PRXL2C: variants seen among roughly 807,000 people sequenced by gnomAD.
PRXL2C encodes peroxiredoxin like 2C.
Under a neutral mutation model 24.9 loss-of-function variants are expected in PRXL2C, and 38 were observed. That is an observed-to-expected ratio of 1.53 (90% CI 1.18 to 2.00). The LOEUF is 2.00. Ranked by LOEUF, PRXL2C falls within the 30% of genes most tolerant of loss-of-function variation. PRXL2C has a pLI of 0.00. For synonymous variants in PRXL2C, 98 were observed against 117.2 expected (o/e 0.84, Z 1.06); for missense variants, 294 against 290.9 (o/e 1.01, Z -0.08).
At position 96,655,271 on chromosome 9, in the gene PRXL2C, G is replaced by A. The variant is rs12115274; in HGVS notation, c.11C>T (p.Pro4Leu). The A allele has an allele frequency of 0.011, 11,625 of 1,075,968 alleles. 973 individuals are homozygous for A. In the African/African-American group the frequency reaches 0.18, roughly 16 times the overall value. 66.7% of individuals were successfully genotyped at this position (1,075,968 alleles called of 1,614,324 possible). MAA[P>L]APVTRQVSGA... ...GCTAACCTGCCGCGTGACCGGGGCCGGCGCGGCCATGACGCGGGGCGGCCG... is the reference window on the plus strand; with the variant it reads ...GCTAACCTGCCGCGTGACCGGGGCCAGCGCGGCCATGACGCGGGGCGGCCG... Residue 4 changes from proline to leucine, a missense_variant, in exon 1 of 6, where the codon CCG becomes CTG. Physicochemically the swap from Pro to Leu is moderately conservative, Grantham distance 98 (BLOSUM62 -3). Coordinates refer to ENST00000375234, the MANE Select transcript of PRXL2C (RefSeq NM_153698.2).
At chr9:96,646,728 G>A (rs1023317757) in intron 4 of PRXL2C, among the ~76,000 whole-genome samples, 1 of 152,150 alleles carries the variant, frequency 6.6e-6, no homozygotes, top group African/African-American at 2.4e-5. Flanking sequence ...AAGATGGAGG[G>A]TGCCTGGATC....
rs145599965 is a variant in PRXL2C at position 96,654,625 on chromosome 9, C to T, written c.261+80G>A. On this transcript the variant is annotated intron_variant, in intron 2 of 5. Coordinates refer to ENST00000375234, the MANE Select transcript of PRXL2C (RefSeq NM_153698.2). ...GGGGCAATCCAGGCTGCAAGTTCCG[C>T]GCTGGAGCCGCGTCCTCCCCCGCCC... 502 of 1,359,782 alleles carry T rather than the reference C, an allele frequency of 3.7e-4. 1 individual carries two copies. The highest frequency in any genetic ancestry group is 4.1e-4 in the Admixed American group (20 of 49,326). The allele number at this position is 1,359,782 out of a possible 1,614,324, so 84.2% of individuals were successfully genotyped here.
chr9:96,644,931 C>A (rs1196048740), intron 5 of PRXL2C, among the ~76,000 whole-genome samples: 3 of 107,278 alleles, frequency 2.8e-5, no homozygotes, highest in Non-Finnish European at 5.4e-5. Flanking sequence ...CAGAGTCTCA[C>A]TCTCTCACCC....
rs1367885689 is a variant in PRXL2C at position 96,641,022 on chromosome 9, T to G, written c.*737A>C. On this transcript the variant is annotated 3_prime_UTR_variant, in exon 6 of 6. Transcript: ENST00000375234. ...CTGTGGACACTGGCTATATGTGAAA[T>G]GTTCGGATTGCCACACTTCCTCTGA... The G allele has an allele frequency of 6.6e-6, 1 of 152,038 alleles. No homozygotes were observed. Among genetic ancestry groups the G allele is most frequent in the Non-Finnish European group, 1.5e-5 (1 of 68,030 alleles). The allele number at this position is 152,038 out of a possible 1,614,324, so 9.4% of individuals were successfully genotyped here. A position where few individuals can be genotyped will look rare whatever the true frequency, so the allele number is the denominator to read the frequency against.
At chr9:96,651,810 C>A (rs1848270641) in intron 2 of PRXL2C, 98 bp from the exon 3 acceptor site, 1 of 1,011,500 alleles carries the variant, frequency 9.9e-7, no homozygotes, top group South Asian at 1.6e-5. Flanking sequence ...TCTAATGCCA[C>A]CTATAGGCTT....
At chr9:96,651,256 C>T in intron 4 of PRXL2C, 134 bp downstream of exon 4, 2 of 650,906 alleles carry the variant, frequency 3.1e-6, no homozygotes, top group Non-Finnish European at 2.6e-6. Flanking sequence ...CCTGCCCCAG[C>T]AACAGAGTGA....
At chr9:96,645,171 A>G (rs1036226195) in intron 5 of PRXL2C, among the ~76,000 whole-genome samples, 2 of 151,356 alleles carry the variant, frequency 1.3e-5, no homozygotes, top group Non-Finnish European at 2.9e-5. Context: ...GGCCTCCCAA[A>G]GTGCTGGGAT....
chr9:96,641,972 TTTAA>T, intron 5 of PRXL2C, 86 bp from the exon 6 acceptor site: 2 of 1,211,450 alleles, frequency 1.7e-6, no homozygotes, highest in Non-Finnish European at 2.2e-6. Flanking sequence ...CTTTTCAACC[TTTAA>T]TTAGTCCAAA....
chr9:96,651,108 C>T (rs959131547), intron 4 of PRXL2C, among the ~76,000 whole-genome samples: 9 of 151,946 alleles, frequency 5.9e-5, no homozygotes, highest in African/African-American at 2.2e-4. Context: ...GAAACCCTGT[C>T]TCTACTAAAA....
intron 4 of PRXL2C, among the ~76,000 whole-genome samples, chr9:96,648,589 T>C (rs969794522): frequency 7.9e-5 from 12 of 152,152 alleles, no homozygotes; most frequent in African/African-American, 2.7e-4. Flanking sequence ...AACCTAATAT[T>C]TTGTTTGGCA....
chr9:96,653,548 T>C (rs1848304888), intron 2 of PRXL2C, among the ~76,000 whole-genome samples: 1 of 152,184 alleles, frequency 6.6e-6, no homozygotes. Flanking sequence ...GTTAACAATG[T>C]ATACTTCAAA....
intron 4 of PRXL2C, 39 bp downstream of exon 4, chr9:96,651,351 A>AC: frequency 1.4e-6 from 2 of 1,393,882 alleles, no homozygotes; most frequent in South Asian, 2.4e-5. Context: ...ATGAACATAC[A>AC]CCACCAGTGT....
In PRXL2C at chr9:96,641,617, G is replaced by T; in HGVS notation, c.*142C>A. 1.3e-6 allele frequency: 1 copy of T among 741,862 alleles called. No individual in the cohort carries two copies. The highest frequency in any genetic ancestry group is 1.9e-6 in the Non-Finnish European group (1 of 514,732). 46.0% of individuals were successfully genotyped at this position (741,862 alleles called of 1,614,324 possible). A position where few individuals can be genotyped will look rare whatever the true frequency, so the allele number is the denominator to read the frequency against. Reference sequence around the variant, plus strand: ...TGCTTCCCAGCATGCAATTCAACAGGTTCAAGCCCCCTTTATGCTTCCCTA... The same window carrying T: ...TGCTTCCCAGCATGCAATTCAACAGTTTCAAGCCCCCTTTATGCTTCCCTA... On this transcript the variant is annotated 3_prime_UTR_variant, in exon 6 of 6. Transcript: ENST00000375234.
chr9:96,651,824 G>A, intron 2 of PRXL2C, 112 bp from the exon 3 acceptor site: 5 of 861,366 alleles, frequency 5.8e-6, no homozygotes, highest in South Asian at 3.7e-5. Flanking sequence ...TAGGCTTCTA[G>A]AGGAATGGAA....
intron 4 of PRXL2C, among the ~76,000 whole-genome samples, chr9:96,647,909 A>G (rs1172121587): frequency 6.6e-6 from 1 of 151,704 alleles, no homozygotes; most frequent in Non-Finnish European, 1.5e-5. Context: ...TTTAAAATGC[A>G]AAAGAAAATT....
chr9:96,643,446 C>T (rs551215227), intron 5 of PRXL2C, among the ~76,000 whole-genome samples: 4 of 152,166 alleles, frequency 2.6e-5, no homozygotes, highest in East Asian at 3.9e-4. Context: ...TGGGGTTTCA[C>T]CGTGTTAGTC....
Position 96,655,196 on chromosome 9 carries a change from G to T in PRXL2C, c.86C>A (p.Pro29His). The change falls in exon 1 of 6, where the codon CCC (proline) becomes CAC (histidine). Residue 29 changes from proline (P) to histidine (H), a missense_variant. Transcript: ENST00000375234. Reference sequence around the variant, plus strand: ...CAGCTCGGCCACGGCGGCCGCCAGGGGCTGCCCGCTGTCGGGGCCGCTCGG... The same window carrying T: ...CAGCTCGGCCACGGCGGCCGCCAGGTGCTGCCCGCTGTCGGGGCCGCTCGG... ...PAPSGPDSGQ[P>H]LAAAVAELPV... 1 of 1,195,464 alleles carries T rather than the reference G, an allele frequency of 8.4e-7. No individual in the cohort carries two copies. The highest frequency in any genetic ancestry group is 1.0e-6 in the Non-Finnish European group (1 of 966,412). 74.1% of individuals were successfully genotyped at this position (1,195,464 alleles called of 1,614,324 possible).
rs763600709 is a variant in PRXL2C at position 96,641,732 on chromosome 9, G to A, written c.*27C>T. The A allele has an allele frequency of 6.5e-7, 1 of 1,542,268 alleles. No homozygotes were observed. The highest frequency in any genetic ancestry group is 8.8e-7 in the Non-Finnish European group (1 of 1,130,208). ...TGAAGGTCACATTCCAGAAGGTCCA[G>A]TTGAAAGTGACTGAGTGCATTTTAA... On this transcript the variant is annotated 3_prime_UTR_variant, in exon 6 of 6. Coordinates refer to ENST00000375234, the MANE Select transcript of PRXL2C (RefSeq NM_153698.2).
At chr9:96,652,289 G>A (rs1848277958) in intron 2 of PRXL2C, among the ~76,000 whole-genome samples, 1 of 152,078 alleles carries the variant, frequency 6.6e-6, no homozygotes, top group African/African-American at 2.4e-5. Flanking sequence ...CTTTTGCCAA[G>A]TCAGGTGGAT....
Sources: allele counts gnomAD v4.1 joint callset (sites outside exome capture counted in the v4.1 genomes callset), GRCh38; gene constraint gnomAD v4.1.1; transcripts MANE v1.5; gene names NCBI Gene and HGNC (gene_info 2026-07-23, HGNC 2026-07-21).